B4GALNT3: variants seen among roughly 807,000 people sequenced by gnomAD.
The protein encoded by B4GALNT3 is beta-1,4-N-acetyl-galactosaminyltransferase 3.
In B4GALNT3, 86 loss-of-function variants were observed where a neutral mutation model predicts 120.2. That is an observed-to-expected ratio of 0.72 (90% CI 0.60 to 0.86). The LOEUF is 0.86. Among genes scored for constraint, B4GALNT3 ranks in the 40% least tolerant of loss-of-function variants. The pLI, the probability that B4GALNT3 is intolerant of heterozygous loss-of-function variation, is 0.00. For missense variants in B4GALNT3, 1,167 were observed against 1,298.9 expected, an observed-to-expected ratio of 0.90 and a Z score of 1.56; for synonymous variants, 518 against 510.4, an observed-to-expected ratio of 1.01 and a Z score of -0.20.
intron 3 of B4GALNT3, among the ~76,000 whole-genome samples, chr12:537,937 C>T (rs936224486): frequency 1.8e-4 from 28 of 152,144 alleles, no homozygotes; most frequent in African/African-American, 6.5e-4. Context: ...TGTGAAACTA[C>T]CTCCTTTTAA....
intron 14 of B4GALNT3, chr12:555,449 C>G (rs1244326578): frequency 4.5e-6 from 2 of 447,148 alleles, no homozygotes; most frequent in Admixed American, 4.8e-5. Context: ...GAGTAATATT[C>G]TATTGTGTGG....
At chr12:472,198 A>G (rs900638218) in intron 1 of B4GALNT3, among the ~76,000 whole-genome samples, 27 of 152,346 alleles carry the variant, frequency 1.8e-4, no homozygotes, top group South Asian at 4.1e-4. Flanking sequence ...GGTAGTTGCA[A>G]CCTCATTGTG....
At chr12:485,318 AAAG>A (rs779750215) in intron 1 of B4GALNT3, among the ~76,000 whole-genome samples, 6 of 152,210 alleles carry the variant, frequency 3.9e-5, no homozygotes, top group East Asian at 1.9e-4. Flanking sequence ...AGTTGAGAGA[AAAG>A]GAGGGAGAAA....
chr12:484,262 T>C (rs937352265), intron 1 of B4GALNT3, among the ~76,000 whole-genome samples: 1 of 152,178 alleles, frequency 6.6e-6, no homozygotes, highest in Non-Finnish European at 1.5e-5. Context: ...GGCTTTCACT[T>C]GTCAGTGACG....
chr12:509,464 C>T (rs938019886), intron 1 of B4GALNT3, among the ~76,000 whole-genome samples: 1 of 152,102 alleles, frequency 6.6e-6, no homozygotes, highest in South Asian at 2.1e-4. Context: ...TACTGAAACC[C>T]GGATACGGAA....
chr12:508,796 G>A (rs562462501), intron 1 of B4GALNT3, among the ~76,000 whole-genome samples: 8 of 152,186 alleles, frequency 5.3e-5, no homozygotes, highest in Admixed American at 2.6e-4. Flanking sequence ...CACTTCAGCC[G>A]AAGTAAGGGA....
intron 14 of B4GALNT3, 102 bp from the exon 15 acceptor site, chr12:556,445 A>C: frequency 8.3e-7 from 1 of 1,207,500 alleles, no homozygotes; most frequent in Non-Finnish European, 1.2e-6. Context: ...TAGGACAAAA[A>C]CCAGGGTCTC....
At chr12:499,808 T>C (rs760585900) in intron 1 of B4GALNT3, among the ~76,000 whole-genome samples, 6 of 152,388 alleles carry the variant, frequency 3.9e-5, no homozygotes, top group Non-Finnish European at 8.8e-5. Context: ...CATTTGGTTA[T>C]AGGCCCTGTT....
At chr12:541,185 G>C (rs1353556632) in intron 3 of B4GALNT3, among the ~76,000 whole-genome samples, 2 of 152,228 alleles carry the variant, frequency 1.3e-5, no homozygotes, top group Non-Finnish European at 2.9e-5. Context: ...GGCCCGGCAG[G>C]GCCGGTGGAT....
chr12:543,912 G>A (rs1946955009), intron 3 of B4GALNT3, among the ~76,000 whole-genome samples: 2 of 130,510 alleles, frequency 1.5e-5, no homozygotes, highest in Non-Finnish European at 3.3e-5. Flanking sequence ...GAGCTGGGAC[G>A]GGCATGGGGT....
rs111592121 is a variant in B4GALNT3, at chr12:560,269, G to A, written c.2888+848G>A. 2.0e-4 allele frequency among the ~76,000 whole-genome samples: 31 copies of A among 152,260 alleles called. No homozygotes were observed. In the South Asian group the frequency reaches 3.9e-3, roughly 19 times the overall value. On this transcript the variant is annotated intron_variant, in intron 19 of 19. Transcript: ENST00000266383. ...GGGCAAGGTCAGGAGCACTGGGGGCGGGACCTCGACACGAAGACACGCTCA... is the reference window on the plus strand; with the variant it reads ...GGGCAAGGTCAGGAGCACTGGGGGCAGGACCTCGACACGAAGACACGCTCA...
rs148199010 is a variant in B4GALNT3 at position 482,561 on chromosome 12, G to T, written c.169+22016G>T. Among the ~76,000 whole-genome samples the T allele has an allele frequency of 1.4e-3, 217 of 152,312 alleles. 1 individual carries two copies. The highest frequency in any genetic ancestry group is 5.0e-3 in the African/African-American group (207 of 41,580). On this transcript the variant is annotated intron_variant, in intron 1 of 19. Coordinates refer to ENST00000266383, the MANE Select transcript of B4GALNT3 (RefSeq NM_173593.4). ...AAGATCAATATTTGGAGGATACAAT[G>T]ATGAAAAAAGTTGTGGGGATTCGTC...
intron 17 of B4GALNT3, 26 bp from the exon 18 acceptor site, chr12:558,482 C>G (rs375285623): frequency 6.2e-7 from 1 of 1,610,398 alleles, no homozygotes; most frequent in Non-Finnish European, 8.5e-7. Flanking sequence ...GCAGGGTCTG[C>G]TGACCCTGCC....
At chr12:500,865 C>CTTTTTTTTTTTTTTTTT (rs55927726) in intron 1 of B4GALNT3, among the ~76,000 whole-genome samples, 919 of 61,800 alleles carry the variant, frequency 0.015, 273 homozygotes, top group African/African-American at 0.064. Context: ...GGCTCCACTG[C>CTTTTTTTTTTTTTTTTT]TTTTTTTTTT....
rs775467784 is a variant in B4GALNT3 at position 553,631 on chromosome 12, G to A, written c.1708G>A (p.Ala570Thr). Residue 570 changes from alanine to threonine, a missense_variant, in exon 14 of 20, where the codon GCA (alanine) becomes ACA (threonine). Physicochemically the swap from Ala to Thr is moderately conservative, Grantham distance 58. Transcript: ENST00000266383. ...QWLNQVESYI[A>T]EQRRGDRMRP... Reference sequence around the variant, plus strand: ...GCTGAACCAGGTGGAGTCGTACATCGCAGAGCAGAGACGGGGTGACAGGAT... The same window carrying A: ...GCTGAACCAGGTGGAGTCGTACATCACAGAGCAGAGACGGGGTGACAGGAT... The A allele has an allele frequency of 3.9e-5, 63 of 1,613,914 alleles. No homozygotes were observed. Among genetic ancestry groups the A allele is most frequent in the Non-Finnish European group, 5.1e-5 (60 of 1,179,922 alleles).
chr12:550,987 C>T lies in B4GALNT3; in HGVS notation c.1063C>T (p.Leu355=), dbSNP rs148974990. Residue 355 remains leucine (L), a synonymous_variant, in exon 11 of 20, where the codon CTG becomes TTG. Transcript: ENST00000266383. The surrounding 1 kb of genome is among the most constrained non-coding windows in gnomAD (Gnocchi z 4.1). The part of the protein sequence containing the change: ...LPDCPYKPSY[L]VDGLPLQRYQ... The stretch of plus-strand genomic sequence containing the variant: ...TGACTGTCCCTACAAACCCAGCTAT[C>T]TGGTGGATGGGCTTCCTCTGCAGCG... The T allele has an allele frequency of 6.2e-7, 1 of 1,614,040 alleles. No individual in the cohort carries two copies. The highest frequency in any genetic ancestry group is 8.5e-7 in the Non-Finnish European group (1 of 1,179,964).
chr12:527,860 A>C (rs1401114699), intron 1 of B4GALNT3, among the ~76,000 whole-genome samples: 5 of 151,968 alleles, frequency 3.3e-5, no homozygotes, highest in Non-Finnish European at 7.4e-5. Context: ...TCTTCCTTGC[A>C]TTTTGGGGGC....
At chr12:546,212 A>AG (rs1211663184) in intron 6 of B4GALNT3, among the ~76,000 whole-genome samples, 1 of 30,110 alleles carries the variant, frequency 3.3e-5, no homozygotes, top group African/African-American at 1.4e-4. Flanking sequence ...GAGAGGAGGG[A>AG]GGGGGGTGTG....
At chr12:541,305 C>T (rs1366918182) in intron 3 of B4GALNT3, among the ~76,000 whole-genome samples, 1 of 152,218 alleles carries the variant, frequency 6.6e-6, no homozygotes, top group African/African-American at 2.4e-5. Context: ...TGTCCTCACC[C>T]TTAAAATGAG....
Sources: gnomAD v4.1 joint callset for allele counts (sites outside exome capture counted in the v4.1 genomes callset) on GRCh38, gnomAD v4.1.1 for gene constraint, Gnocchi (gnomAD v3.1) non-coding constraint, MANE v1.5 for transcripts, NCBI Gene and HGNC (gene_info 2026-07-23, HGNC 2026-07-21) for gene names.